The following ALDH6A1 variants were observed in gnomAD, a reference collection of about 807,000 sequenced individuals.
The protein encoded by ALDH6A1 is methylmalonate-semialdehyde/malonate-semialdehyde dehydrogenase [acylating], mitochondrial.
Under a neutral mutation model 62.6 loss-of-function variants are expected in ALDH6A1, and 43 were observed. The observed-to-expected ratio is 0.69, with a 90% CI of 0.54 to 0.89. The LOEUF (loss-of-function observed/expected upper bound fraction) is 0.89, where lower values mean the gene tolerates loss of function less well. ALDH6A1 is among the 40% of genes least tolerant of loss of function. ALDH6A1 has a pLI of 0.00. For synonymous variants in ALDH6A1, 194 were observed against 234.2 expected, an observed-to-expected ratio of 0.83 and a Z score of 1.57; for missense variants, 551 against 661.3, an observed-to-expected ratio of 0.83 and a Z score of 1.83.
chr14:74,075,436 C>T (rs2060602021), intron 1 of ALDH6A1, among the ~76,000 whole-genome samples: 2 of 151,990 alleles, frequency 1.3e-5, no homozygotes, highest in South Asian at 4.2e-4. Flanking sequence ...ACGGGTATAT[C>T]ACTTGAGTCT....
chr14:74,057,742 G>A lies in ALDH6A1; in HGVS notation c.*2900C>T. The A allele has an allele frequency of 8.6e-7, 1 of 1,160,628 alleles. No individual in the cohort carries two copies. The highest frequency in any genetic ancestry group is 4.0e-5 in the Admixed American group (1 of 24,904). 71.9% of individuals were successfully genotyped at this position (1,160,628 alleles called of 1,614,324 possible). ...TAGAATCTGAGAAATTTCAAATGAA[G>A]CCACATTAGAACAAAAAGAAAATAC... On this transcript the variant is annotated 3_prime_UTR_variant, in exon 12 of 12. Coordinates refer to ENST00000553458, the MANE Select transcript of ALDH6A1 (RefSeq NM_005589.4).
chr14:74,073,229 G>C (rs974868795), intron 2 of ALDH6A1, among the ~76,000 whole-genome samples: 16 of 152,042 alleles, frequency 1.1e-4, no homozygotes, highest in African/African-American at 3.6e-4. Context: ...TCAGCCTCCT[G>C]AGCAGCTGGG....
intron 9 of ALDH6A1, chr14:74,066,002 G>A (rs1178430010): frequency 4.5e-5 from 7 of 154,882 alleles, no homozygotes; most frequent in Admixed American, 1.3e-4. Flanking sequence ...AAGGATATAT[G>A]AATTTCAAAA....
intron 11 of ALDH6A1, among the ~76,000 whole-genome samples, chr14:74,063,165 C>G (rs9652370): frequency 1.3e-5 from 2 of 151,642 alleles, no homozygotes; most frequent in African/African-American, 2.4e-5. Flanking sequence ...ACCTGTTGGC[C>G]GATGTGGCAA....
At position 74,060,653 on chromosome 14, in the gene ALDH6A1, T is replaced by C. The variant is rs748432659; in HGVS notation, c.1597A>G (p.Met533Val). 5 of 1,610,544 alleles carry C rather than the reference T, an allele frequency of 3.1e-6. No homozygotes were observed. The highest frequency in any genetic ancestry group is 4.2e-6 in the Non-Finnish European group (5 of 1,176,856). ...AAACAAACTTGTTTCTAACGGCCCATGGTAGGCATGACAACAGCAGGTGAG... is the reference window on the plus strand; with the variant it reads ...AAACAAACTTGTTTCTAACGGCCCACGGTAGGCATGACAACAGCAGGTGAG... ...LSSPAVVMPTMGR is the reference protein window; with the variant it reads ...LSSPAVVMPTVGR Residue 533 changes from methionine to valine, a missense_variant, in exon 12 of 12, where the codon ATG (methionine) becomes GTG (valine). Coordinates refer to ENST00000553458, the MANE Select transcript of ALDH6A1 (RefSeq NM_005589.4).
chr14:74,076,533 C>T (rs1467264951), intron 1 of ALDH6A1, among the ~76,000 whole-genome samples: 2 of 151,348 alleles, frequency 1.3e-5, no homozygotes, highest in Admixed American at 1.3e-4. Context: ...AGCTAATTTT[C>T]TTTTTATTTA....
intron 11 of ALDH6A1, among the ~76,000 whole-genome samples, chr14:74,062,458 G>A (rs1234716627): frequency 9.9e-5 from 15 of 152,058 alleles, no homozygotes; most frequent in South Asian, 6.2e-4. Flanking sequence ...AAAAATTGGC[G>A]GGTGTGGTGG....
chr14:74,082,469 AGCTC>A (rs2060679997), intron 1 of ALDH6A1, among the ~76,000 whole-genome samples: 3 of 130,602 alleles, frequency 2.3e-5, no homozygotes, highest in Non-Finnish European at 4.6e-5. Context: ...GCACGATCTC[AGCTC>A]ACTGCAACCT....
intron 11 of ALDH6A1, 28 bp downstream of exon 11, chr14:74,064,784 CTTAAAGGAAA>C (rs2060432309): frequency 1.9e-6 from 3 of 1,612,322 alleles, no homozygotes; most frequent in East Asian, 4.5e-5. Flanking sequence ...AAGAAAATTT[CTTAAAGGAAA>C]AGACAAAAAA....
chr14:74,078,405 A>G (rs2060636308), intron 1 of ALDH6A1: 1 of 353,584 alleles, frequency 2.8e-6, no homozygotes, highest in East Asian at 7.7e-5. Flanking sequence ...CTAGGCTGGA[A>G]TGCAGTGGCA....
At chr14:74,074,544 C>G (rs2060590886) in intron 2 of ALDH6A1, among the ~76,000 whole-genome samples, 1 of 152,136 alleles carries the variant, frequency 6.6e-6, no homozygotes, top group African/African-American at 2.4e-5. Context: ...CTCAGCCTCC[C>G]AAAGTGCTGG....
At chr14:74,072,390 C>A (rs552897293) in intron 3 of ALDH6A1, 26 bp from the exon 4 acceptor site, 1 of 1,613,974 alleles carries the variant, frequency 6.2e-7, no homozygotes, top group South Asian at 1.1e-5. Context: ...AGCACATGAT[C>A]CTTTGCCTGA....
intron 11 of ALDH6A1, among the ~76,000 whole-genome samples, chr14:74,062,852 A>G (rs572052126): frequency 1.3e-5 from 2 of 152,372 alleles, no homozygotes; most frequent in South Asian, 4.1e-4. Flanking sequence ...GTATAACAAA[A>G]CATGTAATTT....
chr14:74,057,531 A>G lies in ALDH6A1; in HGVS notation c.*3111T>C. ...AAACAGCCTAGCCAAAATGTGTACT[A>G]TCTTTTACGTAAGAGTAAACATAGT... On this transcript the variant is annotated 3_prime_UTR_variant, in exon 12 of 12. Coordinates refer to ENST00000553458, the MANE Select transcript of ALDH6A1 (RefSeq NM_005589.4). 7.4e-7 allele frequency: 1 copy of G among 1,350,228 alleles called. No homozygotes were observed. Among genetic ancestry groups the G allele is most frequent in the Non-Finnish European group, 9.6e-7 (1 of 1,044,082 alleles). 83.6% of individuals were successfully genotyped at this position (1,350,228 alleles called of 1,614,324 possible).
chr14:74,074,667 T>C (rs1481891923), intron 2 of ALDH6A1, among the ~76,000 whole-genome samples: 1 of 152,160 alleles, frequency 6.6e-6, no homozygotes, highest in Non-Finnish European at 1.5e-5. Flanking sequence ...ATTTATTAGA[T>C]TTTAGATGCT....
chr14:74,071,556 T>C (rs1252113272), intron 5 of ALDH6A1, 59 bp from the exon 6 acceptor site: 1 of 1,611,784 alleles, frequency 6.2e-7, no homozygotes, highest in African/African-American at 1.3e-5. Flanking sequence ...AGCTTTGTCC[T>C]GTTCTCTTCA....
In ALDH6A1 at chr14:74,057,449, G is replaced by A. The variant is rs1595095333; in HGVS notation, c.*3193C>T. The A allele has an allele frequency of 3.4e-6, 5 of 1,465,222 alleles. No homozygotes were observed. In the East Asian group the frequency reaches 1.3e-4, roughly 37 times the overall value. 90.8% of individuals were successfully genotyped at this position (1,465,222 alleles called of 1,614,324 possible). A position where few individuals can be genotyped will look rare whatever the true frequency, so the allele number is the denominator to read the frequency against. On this transcript the variant is annotated 3_prime_UTR_variant, in exon 12 of 12. Transcript: ENST00000553458. Reference sequence around the variant, plus strand: ...CCGTACAAATGCATATTATACTAATGCAAATGCAAATGTGTGCCTCTTTTT... The same window carrying A: ...CCGTACAAATGCATATTATACTAATACAAATGCAAATGTGTGCCTCTTTTT...
At position 74,060,759 on chromosome 14, in the gene ALDH6A1, GAAAA is replaced by G. The variant is rs775284024; in HGVS notation, c.1504-17_1504-14del. ...AGAATTGGATGCCCTAAGGAAAACAGAAAAAAAGTTAGCATATATTTCTGGGGTT... is the reference window on the plus strand; with the variant it reads ...AGAATTGGATGCCCTAAGGAAAACAGAAAGTTAGCATATATTTCTGGGGTT... On this transcript the variant is annotated splice_polypyrimidine_tract_variant and intron_variant, in intron 11 of 11. Transcript: ENST00000553458. 6.4e-7 allele frequency: 1 copy of G among 1,569,062 alleles called. No individual in the cohort carries two copies. The highest frequency in any genetic ancestry group is 2.2e-5 in the East Asian group (1 of 44,632).
In ALDH6A1 at chr14:74,057,296, T is replaced by C; in HGVS notation, c.*3346A>G. The C allele has an allele frequency of 6.2e-7, 1 of 1,613,752 alleles. No homozygotes were observed. The highest frequency in any genetic ancestry group is 8.5e-7 in the Non-Finnish European group (1 of 1,179,876). On this transcript the variant is annotated 3_prime_UTR_variant, in exon 12 of 12. Transcript: ENST00000553458. ...TATCTAATCAAACAATGTATATTGT[T>C]GTCACCCTTCCCCATGTCGCTTCTT...
Sources: allele counts gnomAD v4.1 joint callset (sites outside exome capture counted in the v4.1 genomes callset), GRCh38; gene constraint gnomAD v4.1.1; transcripts MANE v1.5; gene names NCBI Gene and HGNC (gene_info 2026-07-23, HGNC 2026-07-21).